Variants in RBBP5 observed in about 807,000 individuals in gnomAD.
The protein encoded by RBBP5 is RB binding protein 5, histone lysine methyltransferase complex subunit.
Under a neutral mutation model 72.2 loss-of-function variants are expected in RBBP5, and 5 were observed. The observed-to-expected ratio is 0.07, with a 90% CI of 0.04 to 0.15. The LOEUF is 0.15. RBBP5 is among the 10% of genes least tolerant of loss of function. The probability of loss-of-function intolerance (pLI) is 1.00; values close to 1 mark genes in which losing one functional copy is unlikely to be tolerated. For missense variants in RBBP5, 322 were observed against 652.2 expected (o/e 0.49, Z 5.51); for synonymous variants, 209 against 237.2 (o/e 0.88, Z 1.09).
At chr1:205,091,612 A>G (rs1441747039) in intron 13 of RBBP5, 1 of 152,224 alleles carries the variant, frequency 6.6e-6, no homozygotes, top group Non-Finnish European at 1.5e-5. Flanking sequence ...GTTGCAACAG[A>G]CAACAGACTA....
At chr1:205,095,416 A>G (rs907998113) in intron 12 of RBBP5, among the ~76,000 whole-genome samples, 9 of 152,116 alleles carry the variant, frequency 5.9e-5, no homozygotes, top group African/African-American at 2.2e-4. Context: ...CATTACTGTT[A>G]GTGTATTTTA....
At chr1:205,097,638 G>T (rs1655667868) in intron 10 of RBBP5, among the ~76,000 whole-genome samples, 1 of 152,172 alleles carries the variant, frequency 6.6e-6, no homozygotes, top group South Asian at 2.1e-4. Flanking sequence ...TAGTCTAACT[G>T]GGGAGACAGA....
intron 1 of RBBP5, among the ~76,000 whole-genome samples, chr1:205,118,675 A>G (rs1346820377): frequency 1.3e-5 from 2 of 152,204 alleles, no homozygotes; most frequent in East Asian, 3.8e-4. Context: ...AACACTGAAC[A>G]TAACAAGGAT....
rs116352268 is a variant in RBBP5, at chr1:205,101,470, T to A, written c.632+130A>T. Reference sequence around the variant, plus strand: ...GAACTCGAAAACCAGATATTGTAAGTTTCTAAAAACCTTAAGTACATTTTT... The same window carrying A: ...GAACTCGAAAACCAGATATTGTAAGATTCTAAAAACCTTAAGTACATTTTT... On this transcript the variant is annotated intron_variant, in intron 6 of 13. Coordinates refer to ENST00000264515, the MANE Select transcript of RBBP5 (RefSeq NM_005057.4). 4.7e-3 allele frequency: 2,801 copies of A among 595,122 alleles called. 59 individuals are homozygous for A. The highest frequency in any genetic ancestry group is 0.044 in the African/African-American group (2,273 of 52,206). The allele number at this position is 595,122 out of a possible 1,614,324, so 36.9% of individuals were successfully genotyped here.
chr1:205,117,486 C>T (rs959854714), intron 1 of RBBP5, among the ~76,000 whole-genome samples: 18 of 151,714 alleles, frequency 1.2e-4, no homozygotes, highest in African/African-American at 3.4e-4. Context: ...CATGGAGAAA[C>T]CCTGTCTCTA....
chr1:205,088,629 T>C lies in RBBP5; in HGVS notation c.*158A>G. 1.5e-6 allele frequency: 1 copy of C among 676,478 alleles called. No individual in the cohort carries two copies. The highest frequency in any genetic ancestry group is 2.5e-6 in the Non-Finnish European group (1 of 395,018). The allele number at this position is 676,478 out of a possible 1,614,324, so 41.9% of individuals were successfully genotyped here. On this transcript the variant is annotated 3_prime_UTR_variant, in exon 14 of 14. Transcript: ENST00000264515. ...AAGGTCGTATACTCTTCTTCCATAA[T>C]TCACTTCTTCATTTAAACATAAAAT...
chr1:205,121,636 C>A lies in RBBP5; in HGVS notation c.19+219G>T, dbSNP rs558590767. ...TAAGTCACAAACTGTCTGTCCCCAT[C>A]GCTCCATAATTGATATGAAAGTGGC... On this transcript the variant is annotated intron_variant, in intron 1 of 13. Transcript: ENST00000264515. 8.5e-5 allele frequency among the ~76,000 whole-genome samples: 13 copies of A among 152,286 alleles called. No individual in the cohort carries two copies. In the South Asian group the frequency reaches 2.7e-3, roughly 32 times the overall value.
At chr1:205,113,555 G>C (rs557837342) in intron 3 of RBBP5, among the ~76,000 whole-genome samples, 1 of 151,902 alleles carries the variant, frequency 6.6e-6, no homozygotes, top group East Asian at 1.9e-4. Context: ...ATGAGCCAAC[G>C]CATCTCGCCA....
rs146795716 is a variant in RBBP5, at chr1:205,110,237, C to T, written c.218+4552G>A. On this transcript the variant is annotated intron_variant, in intron 3 of 13. Transcript: ENST00000264515. ...GTTTCACCATGTTGTCCAGGCTGGT[C>T]TCGAACTCCTGACCTCAAGTGATTG... is the stretch of plus-strand genomic sequence containing the variant. 1.2e-3 allele frequency among the ~76,000 whole-genome samples: 181 copies of T among 152,158 alleles called. 1 individual carries two copies. Among genetic ancestry groups the T allele is most frequent in the African/African-American group, 4.2e-3 (173 of 41,512 alleles).
At position 205,096,706 on chromosome 1, in the gene RBBP5, C is replaced by G; in HGVS notation, c.1372G>C (p.Glu458Gln). The part of the protein sequence containing the change: ...PKKKPKTTNI[E>Q]LQGVPNDEVH... ...CCATCATTTGGTACTCCTTGAAGTTCTATATTGGTTGTTTTGGGTTTCTTC... is the reference window on the plus strand; with the variant it reads ...CCATCATTTGGTACTCCTTGAAGTTGTATATTGGTTGTTTTGGGTTTCTTC... Residue 458 changes from glutamate to glutamine, a missense_variant, in exon 12 of 14, where the codon GAA (glutamate) becomes CAA (glutamine). Physicochemically the swap from Glu to Gln is conservative, Grantham distance 29. Transcript: ENST00000264515. 6.2e-7 allele frequency: 1 copy of G among 1,614,078 alleles called. No homozygotes were observed. Among genetic ancestry groups the G allele is most frequent in the Non-Finnish European group, 8.5e-7 (1 of 1,179,988 alleles).
At chr1:205,113,703 G>A (rs375266107) in intron 3 of RBBP5, among the ~76,000 whole-genome samples, 6 of 87,342 alleles carry the variant, frequency 6.9e-5, no homozygotes, top group African/African-American at 2.0e-4. Context: ...TTTTTTTTTT[G>A]AAACAGAGTC....
chr1:205,095,240 T>C (rs1655564811), intron 12 of RBBP5, among the ~76,000 whole-genome samples, 176 bp from the exon 13 acceptor site: 1 of 152,186 alleles, frequency 6.6e-6, no homozygotes, highest in Admixed American at 6.5e-5. Context: ...TGAGAGATAG[T>C]TCCTTGGCCA....
At chr1:205,107,148 C>A (rs1656104072) in intron 3 of RBBP5, among the ~76,000 whole-genome samples, 1 of 150,996 alleles carries the variant, frequency 6.6e-6, no homozygotes, top group Admixed American at 6.6e-5. Context: ...AGAACTATAA[C>A]AAAAGATGTA....
chr1:205,098,964 C>A, intron 10 of RBBP5, 25 bp downstream of exon 10: 1 of 1,403,546 alleles, frequency 7.1e-7, no homozygotes, highest in East Asian at 2.6e-5. Flanking sequence ...TTTAGGAAAT[C>A]CTGTCTGCAA....
rs1454366212 is a variant in RBBP5, at chr1:205,121,954, T to C, written c.-81A>G. The C allele has an allele frequency of 6.4e-5, 101 of 1,589,200 alleles. No individual in the cohort carries two copies. The highest frequency in any genetic ancestry group is 2.0e-4 in the Admixed American group (12 of 59,260). Reference sequence around the variant, plus strand: ...CCGGCTTCAGCAACTTGCGTCTAAGTGGTGGACGCCGCGAAGAGACTGGCG... The same window carrying C: ...CCGGCTTCAGCAACTTGCGTCTAAGCGGTGGACGCCGCGAAGAGACTGGCG... On this transcript the variant is annotated 5_prime_UTR_variant, in exon 1 of 14. Transcript: ENST00000264515.
intron 13 of RBBP5, 42 bp downstream of exon 13, chr1:205,094,831 G>A (rs1655548731): frequency 5.8e-6 from 9 of 1,564,918 alleles, no homozygotes; most frequent in Non-Finnish European, 7.8e-6. Context: ...CACAAAGCAA[G>A]GCCACGAAGC....
At chr1:205,112,376 C>T (rs1245266841) in intron 3 of RBBP5, among the ~76,000 whole-genome samples, 2 of 152,064 alleles carry the variant, frequency 1.3e-5, no homozygotes, top group African/African-American at 4.8e-5. Context: ...CTTTTCTGAC[C>T]GTTATTCCCC....
Position 205,105,024 on chromosome 1 carries a change from A to G in RBBP5, c.359+4T>C. ...ACCCCAGGAGAGAAATAGCTTAAACATACTGATCTCGTGGATGATATTGGA... is the reference window on the plus strand; with the variant it reads ...ACCCCAGGAGAGAAATAGCTTAAACGTACTGATCTCGTGGATGATATTGGA... On this transcript the variant is annotated splice_donor_region_variant and intron_variant, in intron 4 of 13. Transcript: ENST00000264515. The G allele has an allele frequency of 2.5e-6, 4 of 1,613,910 alleles. No individual in the cohort carries two copies. Among genetic ancestry groups the G allele is most frequent in the Non-Finnish European group, 3.4e-6 (4 of 1,179,844 alleles).
At position 205,095,053 on chromosome 1, in the gene RBBP5, G is replaced by A. The variant is rs1655557759; in HGVS notation, c.1408C>T (p.Leu470=). The A allele has an allele frequency of 6.2e-7, 1 of 1,614,102 alleles. No individual in the cohort carries two copies. The highest frequency in any genetic ancestry group is 8.5e-7 in the Non-Finnish European group (1 of 1,180,008). ...TTGCCATCCCCCTTCACACCCAGTA[G>A]TGGATGGACTTCTGTAGGACAGACA... The part of the protein sequence containing the change: ...QGVPNDEVHP[L]LGVKGDGKSK... The change falls in exon 13 of 14, where the codon CTA becomes TTA. Residue 470 remains leucine (L), a synonymous_variant. Coordinates refer to ENST00000264515, the MANE Select transcript of RBBP5 (RefSeq NM_005057.4).
Sources: allele counts gnomAD v4.1 joint callset (sites outside exome capture counted in the v4.1 genomes callset), GRCh38; gene constraint gnomAD v4.1.1; transcripts MANE v1.5; gene names NCBI Gene and HGNC (gene_info 2026-07-23, HGNC 2026-07-21).